MEF2B: variants seen among roughly 807,000 people sequenced by gnomAD.
MEF2B encodes myocyte-specific enhancer factor 2B.
MEF2B carries 15 observed loss-of-function variants against 32.2 expected under a neutral mutation model. The observed-to-expected ratio is 0.47, with a 90% confidence interval of 0.31 to 0.72. MEF2B has a LOEUF of 0.72. Ranked by LOEUF, MEF2B falls within the 30% of genes least tolerant of loss-of-function variation. The pLI, the probability that MEF2B is intolerant of heterozygous loss-of-function variation, is 0.05. For synonymous variants in MEF2B, 205 were observed against 225.6 expected, an observed-to-expected ratio of 0.91 and a Z score of 0.82; for missense variants, 441 against 511.5, an observed-to-expected ratio of 0.86 and a Z score of 1.33.
intron 3 of MEF2B, among the ~76,000 whole-genome samples, chr19:19,148,347 C>T (rs904033464): frequency 6.6e-6 from 1 of 152,170 alleles, no homozygotes; most frequent in African/African-American, 2.4e-5. Flanking sequence ...TGCCTGTGGT[C>T]AGAGCTATTT....
In MEF2B at chr19:19,147,750, C is replaced by G. The variant is rs141688102; in HGVS notation, c.341G>C (p.Arg114Pro). Residue 114 changes from arginine to proline, a missense_variant, in exon 4 of 9, where the codon CGG (arginine) becomes CCG (proline). By Grantham distance (103) the Arg-to-Pro change is moderately radical (BLOSUM62 -2). This residue lies in a region of MEF2B where 115 missense variants were observed against 183.1 expected (regional missense o/e 0.63). Transcript: ENST00000424583. Reference sequence around the variant, plus strand: ...ATCACCCCCTTCGCCTGCCAGCCTCCGAAACTTCTCTCCTGGCTCCTCAGG... The same window carrying G: ...ATCACCCCCTTCGCCTGCCAGCCTCGGAAACTTCTCTCCTGGCTCCTCAGG... ...EGPEEPGEKF[R>P]RLAGEGGDPA... The G allele has an allele frequency of 6.2e-7, 1 of 1,613,990 alleles. No individual in the cohort carries two copies. The highest frequency in any genetic ancestry group is 1.1e-5 in the South Asian group (1 of 91,086).
Position 19,146,043 on chromosome 19 carries a change from G to T in MEF2B, c.882-21C>A, listed in dbSNP as rs1006583830. The T allele has an allele frequency of 2.1e-6, 3 of 1,415,930 alleles. No individual in the cohort carries two copies. In the African/African-American group the frequency reaches 4.5e-5, roughly 21 times the overall value. 87.7% of individuals were successfully genotyped at this position (1,415,930 alleles called of 1,614,324 possible). ...CCCCACTGCAGGGGGAAAGAGAGAG[G>T]GAGGCCGTGAGCTCAGCGAGGAAGG... On this transcript the variant is annotated intron_variant, in intron 8 of 8. Transcript: ENST00000424583.
chr19:19,167,396 C>T (rs1242731609), intron 1 of MEF2B, among the ~76,000 whole-genome samples: 1 of 149,794 alleles, frequency 6.7e-6, no homozygotes. Flanking sequence ...CTGGTGTGAG[C>T]GCGTATTCCT....
chr19:19,150,588 C>G, intron 2 of MEF2B, 94 bp downstream of exon 2: 2 of 1,550,160 alleles, frequency 1.3e-6, no homozygotes, highest in Non-Finnish European at 1.8e-6. Context: ...TCCTCATTCC[C>G]CTGCAGTTCA....
chr19:19,167,175 ACT>A (rs959401743), intron 1 of MEF2B, among the ~76,000 whole-genome samples: 23 of 152,106 alleles, frequency 1.5e-4, no homozygotes, highest in African/African-American at 5.5e-4. Flanking sequence ...ACATGGTGAA[ACT>A]CTGTCTCTAC....
chr19:19,148,182 G>A (rs2146354079), intron 3 of MEF2B, among the ~76,000 whole-genome samples: 1 of 152,366 alleles, frequency 6.6e-6, no homozygotes, highest in East Asian at 1.9e-4. Context: ...CTGCTTAAGA[G>A]GCCGGGCGCG....
At chr19:19,155,831 A>AG in intron 1 of MEF2B, among the ~76,000 whole-genome samples, 1 of 152,280 alleles carries the variant, frequency 6.6e-6, no homozygotes, top group African/African-American at 2.4e-5. Context: ...GCCAGGCACG[A>AG]GGGGGGAAGC....
Position 19,150,156 on chromosome 19 carries a change from G to GA in MEF2B, c.54+525dup, listed in dbSNP as rs1314943242. Among the ~76,000 whole-genome samples, 209 of 131,466 alleles carry GA rather than the reference G, an allele frequency of 1.6e-3. 1 individual carries two copies. Among genetic ancestry groups the GA allele is most frequent in the African/African-American group, 5.9e-3 (199 of 33,766 alleles). 86.2% of individuals were successfully genotyped at this position (131,466 alleles called of 152,430 possible). ...GGAAGGAGGGAAGGAGGGAGGGAAG[G>GA]AGGGAGGGAGGGAAGGAGGGAGGGA... On this transcript the variant is annotated intron_variant, in intron 2 of 8. Coordinates refer to ENST00000424583, the MANE Select transcript of MEF2B (RefSeq NM_001145785.2).
At chr19:19,165,178 A>G (rs1225236303) in intron 1 of MEF2B, among the ~76,000 whole-genome samples, 2 of 152,142 alleles carry the variant, frequency 1.3e-5, no homozygotes, top group Non-Finnish European at 1.5e-5. Flanking sequence ...CCCATCACCC[A>G]GTCTGATGGG....
At chr19:19,158,374 T>A (rs1568551705) in intron 1 of MEF2B, among the ~76,000 whole-genome samples, 1 of 145,980 alleles carries the variant, frequency 6.9e-6, no homozygotes, top group South Asian at 2.2e-4. Flanking sequence ...GGCGTGAGCA[T>A]GGGCGCCCCC....
intron 1 of MEF2B, among the ~76,000 whole-genome samples, chr19:19,151,676 G>A (rs1293192853): frequency 2.6e-5 from 4 of 152,170 alleles, no homozygotes; most frequent in Admixed American, 6.5e-5. Flanking sequence ...CCAGGGTCAC[G>A]CGGACCTACG....
intron 8 of MEF2B, 54 bp from the exon 9 acceptor site, chr19:19,146,076 G>C: frequency 6.3e-5 from 84 of 1,338,142 alleles, no homozygotes; most frequent in African/African-American, 7.6e-5. Context: ...AGGGAAGGAA[G>C]CCAGGGGATG....
intron 1 of MEF2B, among the ~76,000 whole-genome samples, chr19:19,161,544 CA>C (rs1444218579): frequency 2.0e-5 from 3 of 152,018 alleles, no homozygotes; most frequent in Admixed American, 6.6e-5. Context: ...AGACAGACCC[CA>C]AAAACACTCA....
At chr19:19,155,789 T>A (rs1181803996) in intron 1 of MEF2B, among the ~76,000 whole-genome samples, 18 of 152,216 alleles carry the variant, frequency 1.2e-4, no homozygotes, top group Non-Finnish European at 1.5e-5. Context: ...TGATCGGAAC[T>A]GCTGGGGGAG....
Position 19,149,075 on chromosome 19 carries a change from G to A in MEF2B, c.258+151C>T, listed in dbSNP as rs545151931. 6 of 962,052 alleles carry A rather than the reference G, an allele frequency of 6.2e-6. No individual in the cohort carries two copies. In the African/African-American group the frequency reaches 9.8e-5, roughly 16 times the overall value. The allele number at this position is 962,052 out of a possible 1,614,324, so 59.6% of individuals were successfully genotyped here. ...CCACTCCCAAATGTTTGGATGAGTG[G>A]AGGGTCCCTTCTAGGGACAGCAGAA... is the stretch of plus-strand genomic sequence containing the variant. On this transcript the variant is annotated intron_variant, in intron 3 of 8. Coordinates refer to ENST00000424583, the MANE Select transcript of MEF2B (RefSeq NM_001145785.2).
At chr19:19,153,723 CTGAGA>C (rs1216627484) in intron 1 of MEF2B, among the ~76,000 whole-genome samples, 1 of 151,978 alleles carries the variant, frequency 6.6e-6, no homozygotes, top group African/African-American at 2.4e-5. Context: ...TCCTAAAGTG[CTGAGA>C]TTACAGGCGT....
chr19:19,149,918 A>C (rs2060058686), intron 2 of MEF2B, among the ~76,000 whole-genome samples: 1 of 151,502 alleles, frequency 6.6e-6, no homozygotes, highest in Non-Finnish European at 1.5e-5. Flanking sequence ...TGACTCTACT[A>C]AAACTACAAA....
intron 1 of MEF2B, among the ~76,000 whole-genome samples, chr19:19,163,157 ATTTAT>A (rs2146380316): frequency 6.6e-6 from 1 of 151,968 alleles, no homozygotes; most frequent in South Asian, 2.1e-4. Context: ...CTTTTTTAAT[ATTTAT>A]TTTAATTTTT....
At chr19:19,164,248 G>A (rs552310385) in intron 1 of MEF2B, among the ~76,000 whole-genome samples, 1 of 152,236 alleles carries the variant, frequency 6.6e-6, no homozygotes, top group East Asian at 1.9e-4. Flanking sequence ...GATTACAGCC[G>A]TGAGCCCGGC....
Sources: gnomAD v4.1 joint callset for allele counts (sites outside exome capture counted in the v4.1 genomes callset) on GRCh38, gnomAD v4.1.1 for gene constraint, gnomAD v4.1.1 regional missense constraint, MANE v1.5 for transcripts, NCBI Gene and HGNC (gene_info 2026-07-23, HGNC 2026-07-21) for gene names.